The following TUB variants were observed in gnomAD, a reference collection of about 807,000 sequenced individuals.
The protein encoded by TUB is tubby protein homolog.
Under a neutral mutation model 59.7 loss-of-function variants are expected in TUB, and 33 were observed. That is an observed-to-expected ratio of 0.55 (90% CI 0.42 to 0.74). TUB has a LOEUF of 0.74. TUB is among the 30% of genes least tolerant of loss of function. TUB has a pLI of 0.00. For missense variants in TUB, 659 were observed against 672.0 expected (o/e 0.98, Z 0.21); for synonymous variants, 293 against 256.4 (o/e 1.14, Z -1.36).
chr11:8,083,674 C>G (rs1943613324), intron 1 of TUB, among the ~76,000 whole-genome samples: 1 of 151,958 alleles, frequency 6.6e-6, no homozygotes, highest in South Asian at 2.1e-4. Flanking sequence ...AATCCTGCCT[C>G]CCTGGAAGCC....
At chr11:8,086,018 C>T (rs114010754) in intron 1 of TUB, among the ~76,000 whole-genome samples, 1,616 of 152,250 alleles carry the variant, frequency 0.011, 26 homozygotes, top group African/African-American at 0.037. Flanking sequence ...GACACTGAAG[C>T]CTGGGTTTCT....
At chr11:8,080,232 G>A (rs1433414676), upstream of TUB, among the ~76,000 whole-genome samples, 1 of 152,244 alleles carries the variant, frequency 6.6e-6, no homozygotes, top group Non-Finnish European at 1.5e-5. Flanking sequence ...ATGCACACGA[G>A]GACGCCCACG....
Position 8,103,463 on chromosome 11 carries a change from AAGT to A in TUB, c.*1846_*1848del, listed in dbSNP as rs1333901844. 6.6e-6 allele frequency: 1 copy of A among 152,482 alleles called. No individual in the cohort carries two copies. The highest frequency in any genetic ancestry group is 1.5e-5 in the Non-Finnish European group (1 of 68,046). The allele number at this position is 152,482 out of a possible 1,614,324, so 9.4% of individuals were successfully genotyped here. The stretch of plus-strand genomic sequence containing the variant: ...GAAGGACTTGTTTTGACTTAAGTAG[AAGT>A]AATATGCTCTCATTTCTTTGTAATC... On this transcript the variant is annotated 3_prime_UTR_variant, in exon 12 of 12. Coordinates refer to ENST00000299506, the MANE Select transcript of TUB (RefSeq NM_177972.3).
intron 1 of TUB, among the ~76,000 whole-genome samples, chr11:8,086,150 G>T (rs930594508): frequency 7.9e-5 from 12 of 152,206 alleles, no homozygotes; most frequent in African/African-American, 2.9e-4. Flanking sequence ...CCTGTCTCTT[G>T]TCTGAGTCTC....
At position 8,102,411 on chromosome 11, in the gene TUB, C is replaced by G. The variant is rs537097834; in HGVS notation, c.*792C>G. 6.6e-6 allele frequency: 1 copy of G among 152,214 alleles called. No homozygotes were observed. Among genetic ancestry groups the G allele is most frequent in the Non-Finnish European group, 1.5e-5 (1 of 68,062 alleles). The allele number at this position is 152,214 out of a possible 1,614,324, so 9.4% of individuals were successfully genotyped here. A position where few individuals can be genotyped will look rare whatever the true frequency, so the allele number is the denominator to read the frequency against. ...ATGCAGAAGTGCATGAACAGGGTCC[C>G]TGGATCAGGGTTGTTCTGGGAGTCC... On this transcript the variant is annotated 3_prime_UTR_variant, in exon 12 of 12. Transcript: ENST00000299506.
At chr11:8,042,962 G>A (rs1942776385) in intron 2 of TUB, among the ~76,000 whole-genome samples, 1 of 152,092 alleles carries the variant, frequency 6.6e-6, no homozygotes, top group Admixed American at 6.5e-5. Flanking sequence ...AATTTATCTA[G>A]TTTCCTTTTG....
upstream of TUB, among the ~76,000 whole-genome samples, chr11:8,037,225 T>G (rs1942659230): frequency 6.6e-6 from 1 of 152,204 alleles, no homozygotes; most frequent in African/African-American, 2.4e-5. Flanking sequence ...TGTGCAGCTT[T>G]GGGGCATGTG....
At chr11:8,100,437 C>T (rs1227227454) in intron 9 of TUB, 66 bp from the exon 10 acceptor site, 8 of 1,247,764 alleles carry the variant, frequency 6.4e-6, no homozygotes, top group African/African-American at 3.0e-5. Context: ...TTATTCCCGT[C>T]CCCCCCACCT....
At chr11:8,051,735 C>A (rs1324492863) in intron 2 of TUB, among the ~76,000 whole-genome samples, 1 of 152,202 alleles carries the variant, frequency 6.6e-6, no homozygotes, top group Non-Finnish European at 1.5e-5. Flanking sequence ...GATTTAGGAA[C>A]ATGCTTAGAA....
chr11:8,081,306 A>G lies in TUB; in HGVS notation c.-205A>G. On this transcript the variant is annotated 5_prime_UTR_variant, in exon 1 of 12. Transcript: ENST00000299506. Reference sequence around the variant, plus strand: ...CCCGCGCACTCCCGGAGCTTCGCCCATCTCGCCTCGCCGCGCCGCGCAGGC... The same window carrying G: ...CCCGCGCACTCCCGGAGCTTCGCCCGTCTCGCCTCGCCGCGCCGCGCAGGC... 1 of 935,046 alleles carries G rather than the reference A, an allele frequency of 1.1e-6. No homozygotes were observed. The highest frequency in any genetic ancestry group is 1.8e-5 in the African/African-American group (1 of 56,132). The allele number at this position is 935,046 out of a possible 1,614,324, so 57.9% of individuals were successfully genotyped here.
At chr11:8,095,691 A>AG (rs1943959912) in intron 5 of TUB, 26 bp downstream of exon 5, 1 of 1,561,956 alleles carries the variant, frequency 6.4e-7, no homozygotes, top group African/African-American at 1.4e-5. Flanking sequence ...ACCCAGTGAT[A>AG]CCCCCAAAAC....
chr11:8,093,517 C>T (rs774959031), intron 3 of TUB, among the ~76,000 whole-genome samples: 31 of 152,276 alleles, frequency 2.0e-4, no homozygotes, highest in African/African-American at 6.3e-4. Flanking sequence ...CTTCTGAGAC[C>T]TCACTGTTGG....
intron 1 of TUB, among the ~76,000 whole-genome samples, chr11:8,022,938 AAAC>A (rs1046597912): frequency 1.9e-4 from 29 of 152,262 alleles, no homozygotes; most frequent in East Asian, 3.9e-4. Flanking sequence ...AACAAAAACA[AAAC>A]AACAACAACA....
In TUB at chr11:8,105,634, T is replaced by G. The variant is rs572379550; in HGVS notation, c.*4015T>G. ...CTAACCACAAGATAAAGATGTTACA[T>G]TGTCAAAGCTTGCCGTAGGATTTGG... On this transcript the variant is annotated 3_prime_UTR_variant, in exon 12 of 12. Transcript: ENST00000299506. 1 of 152,164 alleles carries G rather than the reference T, an allele frequency of 6.6e-6. No individual in the cohort carries two copies. The highest frequency in any genetic ancestry group is 2.4e-5 in the African/African-American group (1 of 41,454). The allele number at this position is 152,164 out of a possible 1,614,324, so 9.4% of individuals were successfully genotyped here. A position where few individuals can be genotyped will look rare whatever the true frequency, so the allele number is the denominator to read the frequency against.
chr11:8,025,153 T>C (rs1048300348), intron 1 of TUB, among the ~76,000 whole-genome samples: 2 of 152,184 alleles, frequency 1.3e-5, no homozygotes, highest in African/African-American at 4.8e-5. Context: ...TGGACAAATA[T>C]ATTTAATGTA....
chr11:8,104,747 A>G lies in TUB; in HGVS notation c.*3128A>G, dbSNP rs1245917310. 3.9e-5 allele frequency: 6 copies of G among 152,202 alleles called. No homozygotes were observed. In the East Asian group the frequency reaches 1.2e-3, roughly 29 times the overall value. The allele number at this position is 152,202 out of a possible 1,614,324, so 9.4% of individuals were successfully genotyped here. On this transcript the variant is annotated 3_prime_UTR_variant, in exon 12 of 12. Coordinates refer to ENST00000299506, the MANE Select transcript of TUB (RefSeq NM_177972.3). ...CGTATGCTTTTGGTTGAAATTGAAC[A>G]TACTCTAGTGAATGTGCCTTAAAAA...
intron 1 of TUB, among the ~76,000 whole-genome samples, chr11:8,087,658 C>A (rs1024154232): frequency 6.6e-6 from 1 of 152,218 alleles, no homozygotes; most frequent in Admixed American, 6.5e-5. Flanking sequence ...ATGCACTGTG[C>A]GTGTGGCTGA....
In TUB at chr11:8,105,411, G is replaced by A. The variant is rs979311536; in HGVS notation, c.*3792G>A. The A allele has an allele frequency of 2.4e-4, 36 of 152,178 alleles. 1 individual carries two copies. Among genetic ancestry groups the A allele is most frequent in the Non-Finnish European group, 8.8e-5 (6 of 68,088 alleles). The allele number at this position is 152,178 out of a possible 1,614,324, so 9.4% of individuals were successfully genotyped here. ...GTAATAAGCCAAGGGCTAGGCTCTT[G>A]TTTGAGTTTATGGCCACCTGGAATT... On this transcript the variant is annotated 3_prime_UTR_variant, in exon 12 of 12. Transcript: ENST00000299506.
At position 8,101,692 on chromosome 11, in the gene TUB, G is replaced by C. The variant is rs1449285124; in HGVS notation, c.*73G>C. ...CCTGCCTGCCTGTGGAGACAGCCCTGCCTATCCTCTGTATATAGGCCTTCC... is the reference window on the plus strand; with the variant it reads ...CCTGCCTGCCTGTGGAGACAGCCCTCCCTATCCTCTGTATATAGGCCTTCC... On this transcript the variant is annotated 3_prime_UTR_variant, in exon 12 of 12. Transcript: ENST00000299506. 1.0e-5 allele frequency: 16 copies of C among 1,572,608 alleles called. 1 individual carries two copies. The East Asian group carries it at 3.2e-4, about 32-fold the overall frequency.
Sources: allele counts gnomAD v4.1 joint callset (sites outside exome capture counted in the v4.1 genomes callset), GRCh38; gene constraint gnomAD v4.1.1; transcripts MANE v1.5; gene names NCBI Gene and HGNC (gene_info 2026-07-23, HGNC 2026-07-21).